ACAA2: variants seen among roughly 807,000 people sequenced by gnomAD.
The protein encoded by ACAA2 is acetyl-CoA acyltransferase 2.
A neutral mutation model predicts 44.8 loss-of-function variants in ACAA2; 35 were observed. The ratio of observed to expected loss-of-function variants is 0.78; its 90% confidence interval spans 0.60 to 1.04. The LOEUF is 1.04. ACAA2 is among the 50% of genes least tolerant of loss of function. ACAA2 has a pLI of 0.00. For missense variants in ACAA2, 468 were observed against 482.6 expected (o/e 0.97, Z 0.28); for synonymous variants, 142 against 166.5 (o/e 0.85, Z 1.13).
intron 1 of ACAA2, among the ~76,000 whole-genome samples, chr18:49,811,753 T>C (rs531179045): frequency 1.3e-5 from 2 of 152,314 alleles, no homozygotes; most frequent in African/African-American, 2.4e-5. Flanking sequence ...TGTGTTATTA[T>C]ACACAACCAC....
intron 8 of ACAA2, 35 bp downstream of exon 8, chr18:49,787,256 T>C: frequency 2.4e-6 from 3 of 1,258,816 alleles, no homozygotes; most frequent in South Asian, 1.7e-5. Flanking sequence ...TTTATTCATG[T>C]TGTTAAAAAA....
chr18:49,805,475 T>C (rs534646421), intron 1 of ACAA2, among the ~76,000 whole-genome samples: 30 of 152,202 alleles, frequency 2.0e-4, no homozygotes, highest in South Asian at 4.1e-4. Context: ...TTCTGGTAAA[T>C]TGGTTATTCT....
chr18:49,782,989 CAAAT>C lies in ACAA2; in HGVS notation c.*854_*857del, dbSNP rs2023284253. The C allele has an allele frequency of 6.6e-6, 1 of 151,242 alleles. No homozygotes were observed. The highest frequency in any genetic ancestry group is 2.4e-5 in the African/African-American group (1 of 41,072). The allele number at this position is 151,242 out of a possible 1,614,324, so 9.4% of individuals were successfully genotyped here. ...ACTAGATATCCAGTCTTAGAACAGA[CAAAT>C]AAAGCAATGGAAGTGTTGTGGGGGC... On this transcript the variant is annotated 3_prime_UTR_variant, in exon 10 of 10. Transcript: ENST00000285093.
At chr18:49,784,378 G>A (rs542359877) in intron 9 of ACAA2, among the ~76,000 whole-genome samples, 1 of 152,154 alleles carries the variant, frequency 6.6e-6, no homozygotes, top group Admixed American at 6.5e-5. Context: ...TAGAAGAAAT[G>A]TAATTAATAA....
At chr18:49,785,951 T>G (rs1598789558) in intron 8 of ACAA2, 2 of 152,420 alleles carry the variant, frequency 1.3e-5, no homozygotes, top group Non-Finnish European at 2.9e-5. Context: ...AAGGGAACAG[T>G]TACTATGTTG....
chr18:49,796,532 A>G (rs917816920), intron 3 of ACAA2, among the ~76,000 whole-genome samples: 7 of 152,226 alleles, frequency 4.6e-5, no homozygotes, highest in African/African-American at 1.7e-4. Flanking sequence ...TTGTAATAAA[A>G]TGAAGACTTT....
chr18:49,809,349 G>A (rs1318559904), intron 1 of ACAA2, among the ~76,000 whole-genome samples: 1 of 152,198 alleles, frequency 6.6e-6, no homozygotes, highest in Non-Finnish European at 1.5e-5. Context: ...GGGATTAAGA[G>A]ATTAAAGTAA....
rs903517751 is a variant in ACAA2 at position 49,795,808 on chromosome 18, A to T, written c.386T>A (p.Val129Asp). 5 of 1,611,254 alleles carry T rather than the reference A, an allele frequency of 3.1e-6. No individual in the cohort carries two copies. Among genetic ancestry groups the T allele is most frequent in the Non-Finnish European group, 4.2e-6 (5 of 1,178,762 alleles). ...CTTGGTTCCAAAACGCACATTTCTGACACAGTAGGGAGCTTGGCTCATGCT... is the reference window on the plus strand; with the variant it reads ...CTTGGTTCCAAAACGCACATTTCTGTCACAGTAGGGAGCTTGGCTCATGCT... ...TESMSQAPYC[V>D]RNVRFGTKLG... Residue 129 changes from valine (V) to aspartate (D), a missense_variant, in exon 4 of 10, where the codon GTC (valine) becomes GAC (aspartate). Physicochemically the swap from Val to Asp is radical, Grantham distance 152. Coordinates refer to ENST00000285093, the MANE Select transcript of ACAA2 (RefSeq NM_006111.3).
At chr18:49,804,222 A>G (rs2023588548) in intron 1 of ACAA2, among the ~76,000 whole-genome samples, 1 of 151,988 alleles carries the variant, frequency 6.6e-6, no homozygotes, top group African/African-American at 2.4e-5. Flanking sequence ...CCAACGAATG[A>G]TATTTCTTTA....
At chr18:49,804,865 C>G (rs771530270) in intron 1 of ACAA2, among the ~76,000 whole-genome samples, 59 of 152,132 alleles carry the variant, frequency 3.9e-4, no homozygotes, top group Non-Finnish European at 7.3e-4. Context: ...ACCCACTCAT[C>G]ATCATTAGAG....
At chr18:49,798,727 A>G (rs934902641) in intron 2 of ACAA2, among the ~76,000 whole-genome samples, 3 of 152,218 alleles carry the variant, frequency 2.0e-5, no homozygotes, top group African/African-American at 4.8e-5. Context: ...TATAACATCA[A>G]TTAATCTACT....
intron 7 of ACAA2, among the ~76,000 whole-genome samples, chr18:49,789,151 C>T (rs866909089): frequency 6.6e-5 from 10 of 152,186 alleles, no homozygotes; most frequent in Admixed American, 2.0e-4. Context: ...TTCCTCAGAA[C>T]CAGTACTATT....
intron 8 of ACAA2, 138 bp downstream of exon 8, chr18:49,787,153 T>A: frequency 1.7e-6 from 1 of 593,672 alleles, no homozygotes. Context: ...GTACTATTTA[T>A]TTAGATGTAC....
chr18:49,791,498 A>T lies in ACAA2; in HGVS notation c.855T>A (p.Ser285=). Residue 285 remains serine, a synonymous_variant, in exon 7 of 10, where the codon TCT becomes TCA. Coordinates refer to ENST00000285093, the MANE Select transcript of ACAA2 (RefSeq NM_006111.3). ...TACCCATGATAGAGGGATCACATCC[A>T]GATACAAAGTAGCCCACAATTCTTG... The part of the protein sequence containing the change: ...PLARIVGYFV[S]GCDPSIMGIG... The T allele has an allele frequency of 6.2e-7, 1 of 1,612,244 alleles. No individual in the cohort carries two copies. The highest frequency in any genetic ancestry group is 1.1e-5 in the South Asian group (1 of 90,994).
intron 1 of ACAA2, 149 bp downstream of exon 1, chr18:49,813,319 TG>T (rs2023693243): frequency 3.6e-6 from 2 of 560,202 alleles, no homozygotes; most frequent in South Asian, 9.4e-5. Flanking sequence ...CCTTTCGGGC[TG>T]GGTTTTTATC....
chr18:49,809,007 C>T (rs547443002), intron 1 of ACAA2, among the ~76,000 whole-genome samples: 31 of 152,226 alleles, frequency 2.0e-4, no homozygotes, highest in African/African-American at 6.7e-4. Context: ...ACTCCCAGAG[C>T]GGCCATTTAT....
chr18:49,798,838 T>G (rs1434422218), intron 2 of ACAA2, among the ~76,000 whole-genome samples: 4 of 152,132 alleles, frequency 2.6e-5, no homozygotes, highest in Admixed American at 6.5e-5. Context: ...TTGCCAAGGT[T>G]TGTCAAATAT....
chr18:49,791,673 G>C, intron 6 of ACAA2, 74 bp from the exon 7 acceptor site: 2 of 1,482,692 alleles, frequency 1.3e-6, no homozygotes, highest in Non-Finnish European at 1.9e-6. Flanking sequence ...TAATGGACTA[G>C]TAGTATTAGG....
At chr18:49,813,325 T>C in intron 1 of ACAA2, 144 bp downstream of exon 1, 1 of 629,236 alleles carries the variant, frequency 1.6e-6, no homozygotes, top group Non-Finnish European at 2.3e-6. Flanking sequence ...GGGCTGGGTT[T>C]TTATCACGTC....
Sources: gnomAD v4.1 joint callset for allele counts (sites outside exome capture counted in the v4.1 genomes callset) on GRCh38, gnomAD v4.1.1 for gene constraint, MANE v1.5 for transcripts, NCBI Gene and HGNC (gene_info 2026-07-23, HGNC 2026-07-21) for gene names.